Variants in PSD3 observed in about 807,000 individuals in gnomAD.
The protein encoded by PSD3 is PH and SEC7 domain-containing protein 3.
PSD3 carries 49 observed loss-of-function variants against 105.5 expected under a neutral mutation model. The ratio of observed to expected loss-of-function variants is 0.46; its 90% CI spans 0.37 to 0.59. PSD3 has a LOEUF of 0.59. Among genes scored for constraint, PSD3 ranks in the 20% least tolerant of loss-of-function variants. The pLI, the probability that PSD3 is intolerant of heterozygous loss-of-function variation, is 0.00. For synonymous variants in PSD3, 557 were observed against 457.8 expected, an observed-to-expected ratio of 1.22 and a Z score of -2.77; for missense variants, 1,561 against 1,263.8, an observed-to-expected ratio of 1.24 and a Z score of -3.57.
At chr8:19,053,664 C>T (rs181492614) in intron 1 of PSD3, among the ~76,000 whole-genome samples, 142 of 151,742 alleles carry the variant, frequency 9.4e-4, no homozygotes, top group African/African-American at 3.3e-3. Flanking sequence ...TGGTGGTGGG[C>T]GCCTGTAGTC....
At chr8:18,856,985 C>T (rs1563350690) in intron 4 of PSD3, among the ~76,000 whole-genome samples, 1 of 152,180 alleles carries the variant, frequency 6.6e-6, no homozygotes, top group Non-Finnish European at 1.5e-5. Flanking sequence ...CTTAAGAACC[C>T]ACACTCTTCG....
At chr8:18,806,463 A>C (rs759043954) in intron 4 of PSD3, among the ~76,000 whole-genome samples, 2 of 152,228 alleles carry the variant, frequency 1.3e-5, no homozygotes, top group Non-Finnish European at 2.9e-5. Context: ...TAATGAGGAT[A>C]CATTAATTTC....
chr8:18,953,462 A>G (rs1823371127), intron 1 of PSD3, among the ~76,000 whole-genome samples: 1 of 152,208 alleles, frequency 6.6e-6, no homozygotes, highest in Admixed American at 6.5e-5. Context: ...ACAAATGGCT[A>G]AATAGGCCGG....
chr8:19,046,623 T>C (rs1828329649), intron 1 of PSD3, among the ~76,000 whole-genome samples: 1 of 152,226 alleles, frequency 6.6e-6, no homozygotes, highest in Non-Finnish European at 1.5e-5. Context: ...TGCCCAAGTA[T>C]AACTTTGCCT....
At chr8:18,925,509 G>T (rs1821304274) in intron 2 of PSD3, among the ~76,000 whole-genome samples, 1 of 151,940 alleles carries the variant, frequency 6.6e-6, no homozygotes, top group African/African-American at 2.4e-5. Context: ...AAGATATACA[G>T]GTTGAGCATC....
chr8:18,927,694 C>T (rs766205919), intron 2 of PSD3, among the ~76,000 whole-genome samples: 2 of 152,148 alleles, frequency 1.3e-5, no homozygotes, highest in Admixed American at 6.5e-5. Context: ...GGAGAAAGTC[C>T]GAACCCTCCA....
chr8:18,710,934 C>T (rs754130768), intron 9 of PSD3, among the ~76,000 whole-genome samples: 4 of 152,212 alleles, frequency 2.6e-5, no homozygotes, highest in South Asian at 2.1e-4. Context: ...CTGCCCAACT[C>T]GGCCTCCCAA....
chr8:18,747,414 G>T (rs1410732785), intron 9 of PSD3, among the ~76,000 whole-genome samples: 1 of 152,228 alleles, frequency 6.6e-6, no homozygotes, highest in African/African-American at 2.4e-5. Context: ...AAGTGGACAT[G>T]ACTGACATAA....
At chr8:18,696,118 C>G (rs1214562272) in intron 9 of PSD3, among the ~76,000 whole-genome samples, 1 of 152,212 alleles carries the variant, frequency 6.6e-6, no homozygotes, top group East Asian at 1.9e-4. Flanking sequence ...GAGGATGTGT[C>G]AATGCCTCTC....
At position 18,535,673 on chromosome 8, in the gene PSD3, G is replaced by A. The variant is rs1485118269; in HGVS notation, c.*70C>T. On this transcript the variant is annotated 3_prime_UTR_variant, in exon 16 of 16. Coordinates refer to ENST00000327040, the MANE Select transcript of PSD3 (RefSeq NM_015310.4). ...ACTTTTTTTTTTTAAATATATTCACGGATTACCAGAAAGATCTTGAAAAAC... is the reference window on the plus strand; with the variant it reads ...ACTTTTTTTTTTTAAATATATTCACAGATTACCAGAAAGATCTTGAAAAAC... The A allele has an allele frequency of 8.7e-6, 11 of 1,264,712 alleles. No homozygotes were observed. Among genetic ancestry groups the A allele is most frequent in the East Asian group, 4.7e-5 (2 of 42,794 alleles). 78.3% of individuals were successfully genotyped at this position (1,264,712 alleles called of 1,614,324 possible).
At chr8:18,962,247 C>CA (rs903832390) in intron 1 of PSD3, among the ~76,000 whole-genome samples, 22 of 142,796 alleles carry the variant, frequency 1.5e-4, no homozygotes, top group African/African-American at 2.3e-4. Context: ...ACTCCATCTC[C>CA]AAAAAAAAAA....
chr8:18,682,874 G>A (rs1372864228), intron 9 of PSD3, among the ~76,000 whole-genome samples: 1 of 152,020 alleles, frequency 6.6e-6, no homozygotes, highest in East Asian at 1.9e-4. Flanking sequence ...CCCCGAGAAG[G>A]CTGAAATGAC....
chr8:18,937,751 T>C (rs1424667834), intron 1 of PSD3, among the ~76,000 whole-genome samples: 1 of 152,180 alleles, frequency 6.6e-6, no homozygotes, highest in Non-Finnish European at 1.5e-5. Flanking sequence ...TTGAAGTGTT[T>C]GGGGAGCTTC....
intron 2 of PSD3, among the ~76,000 whole-genome samples, chr8:18,898,542 G>T (rs1819297227): frequency 6.6e-6 from 1 of 152,082 alleles, no homozygotes; most frequent in African/African-American, 2.4e-5. Context: ...CCATGCAGTT[G>T]AAAATCCACA....
chr8:18,556,487 A>G (rs1376517028), intron 14 of PSD3, 135 bp from the exon 15 acceptor site: 1 of 876,586 alleles, frequency 1.1e-6, no homozygotes, highest in Non-Finnish European at 1.7e-6. Context: ...CTGCTGCCAC[A>G]TCCTTCCAGC....
rs1801942994 is a variant in PSD3, at chr8:18,706,999, A to T, written c.2173-51314T>A. ...TACTAAGTCAAATTCTCATTTAGGA[A>T]ATCAGGATTTTCCATACTGCATTCT... On this transcript the variant is annotated intron_variant, in intron 9 of 15. Coordinates refer to ENST00000327040, the MANE Select transcript of PSD3 (RefSeq NM_015310.4). Among the ~76,000 whole-genome samples the T allele has an allele frequency of 1.3e-5, 2 of 152,204 alleles. 1 individual carries two copies. Among genetic ancestry groups the T allele is most frequent in the South Asian group, 4.1e-4 (2 of 4,832 alleles).
At chr8:18,762,473 T>C (rs1278438027) in intron 9 of PSD3, among the ~76,000 whole-genome samples, 1 of 152,214 alleles carries the variant, frequency 6.6e-6, no homozygotes, top group Admixed American at 6.5e-5. Flanking sequence ...AGTGGGAGAA[T>C]GGACTAATAC....
In PSD3 at chr8:19,065,861, G is replaced by A. The variant is rs539858843; in HGVS notation, c.324+18345C>T. On this transcript the variant is annotated intron_variant, in intron 1 of 1. Coordinates refer to the PSD3 transcript ENST00000521475. ...TCCCATCCCCAGAGGCTAGGGGGTG[G>A]GGCTGAAAGTCCCAACCCTCTAATC... Among the ~76,000 whole-genome samples the A allele has an allele frequency of 2.6e-5, 4 of 152,280 alleles. No individual in the cohort carries two copies. The South Asian group carries it at 8.3e-4, about 32-fold the overall frequency.
chr8:19,018,919 C>T (rs1490931456), intron 1 of PSD3, among the ~76,000 whole-genome samples: 4 of 152,132 alleles, frequency 2.6e-5, no homozygotes, highest in Non-Finnish European at 5.9e-5. Context: ...GCCTCAGCCT[C>T]CTGAGTAGCT....
Sources: allele counts gnomAD v4.1 joint callset (sites outside exome capture counted in the v4.1 genomes callset), GRCh38; gene constraint gnomAD v4.1.1; transcripts MANE v1.5; gene names NCBI Gene and HGNC (gene_info 2026-07-23, HGNC 2026-07-21).